The following UNC13C variants were observed in gnomAD, a reference collection of about 807,000 sequenced individuals.
UNC13C encodes protein unc-13 homolog C.
UNC13C carries 174 observed loss-of-function variants against 245.4 expected under a neutral mutation model. The observed-to-expected ratio is 0.71, with a 90% CI of 0.63 to 0.80. The LOEUF (loss-of-function observed/expected upper bound fraction) is 0.80, where lower values mean the gene tolerates loss of function less well. Among genes scored for constraint, UNC13C ranks in the 30% least tolerant of loss-of-function variants. The pLI is 0.00. For synonymous variants in UNC13C, 992 were observed against 895.1 expected (o/e 1.11, Z -1.93); for missense variants, 2,829 against 2,602.9 (o/e 1.09, Z -1.89).
the UNC13C span, among the ~76,000 whole-genome samples, chr15:53,971,376 A>G: frequency 3.9e-5 from 6 of 152,318 alleles, no homozygotes; most frequent in Admixed American, 6.5e-5. Context: ...AAGAGCTTCA[A>G]GACTTTCTCA....
At chr15:54,562,871 G>A (rs1897352347) in intron 29 of UNC13C, among the ~76,000 whole-genome samples, 1 of 151,942 alleles carries the variant, frequency 6.6e-6, no homozygotes, top group Admixed American at 6.6e-5. Flanking sequence ...TAATATACCA[G>A]ATGTGTTCTA....
At chr15:53,986,632 G>T (rs1257187263) in intron 1 of UNC13C, among the ~76,000 whole-genome samples, 1 of 151,932 alleles carries the variant, frequency 6.6e-6, no homozygotes, top group African/African-American at 2.4e-5. Context: ...ACAGTACCAA[G>T]AAAGTACTTA....
At chr15:53,998,540 T>G (rs1020853602) in intron 1 of UNC13C, among the ~76,000 whole-genome samples, 24 of 152,140 alleles carry the variant, frequency 1.6e-4, no homozygotes, top group African/African-American at 5.8e-4. Flanking sequence ...GATTTTCACA[T>G]AAATACTCAT....
At chr15:54,559,904 G>A (rs1217076476) in intron 29 of UNC13C, among the ~76,000 whole-genome samples, 1 of 151,866 alleles carries the variant, frequency 6.6e-6, no homozygotes, top group Admixed American at 6.6e-5. Context: ...AGCATGCTGC[G>A]GCTTAAACAC....
At chr15:54,605,220 C>G (rs1166018685) in intron 30 of UNC13C, among the ~76,000 whole-genome samples, 3 of 152,126 alleles carry the variant, frequency 2.0e-5, no homozygotes, top group African/African-American at 7.2e-5. Context: ...CTGAATGGCC[C>G]GTTAATCAGT....
At chr15:54,595,721 G>A (rs535152737) in intron 30 of UNC13C, among the ~76,000 whole-genome samples, 1 of 152,336 alleles carries the variant, frequency 6.6e-6, no homozygotes, top group East Asian at 1.9e-4. Context: ...TGTGCTAAGA[G>A]TGGTTTTAGT....
intron 17 of UNC13C, among the ~76,000 whole-genome samples, chr15:54,365,669 T>A (rs2039347598): frequency 6.6e-6 from 1 of 152,158 alleles, no homozygotes; most frequent in Non-Finnish European, 1.5e-5. Flanking sequence ...TCAGGATTTA[T>A]GATGAAAGAG....
intron 32 of UNC13C, 34 bp downstream of exon 32, chr15:54,623,988 G>C: frequency 6.2e-7 from 1 of 1,611,382 alleles, no homozygotes; most frequent in South Asian, 1.1e-5. Context: ...TATTCTACCA[G>C]GCAATAGTTA....
chr15:54,549,532 C>T (rs1896640576), intron 27 of UNC13C, 103 bp from the exon 28 acceptor site: 3 of 898,950 alleles, frequency 3.3e-6, no homozygotes, highest in African/African-American at 3.3e-5. Flanking sequence ...AGCCATAAGT[C>T]TTATAAGGGA....
rs1435239456 is a variant in UNC13C at position 54,338,300 on chromosome 15, T to G, written c.4585-61T>G. Reference sequence around the variant, plus strand: ...TTTATTGAATATATATTTGAGTAGTTTATACTAGATTACAATGTGTCACTG... The same window carrying G: ...TTTATTGAATATATATTTGAGTAGTGTATACTAGATTACAATGTGTCACTG... On this transcript the variant is annotated intron_variant, in intron 16 of 32. Transcript: ENST00000260323. 1.9e-6 allele frequency: 3 copies of G among 1,558,784 alleles called. No homozygotes were observed. In the African/African-American group the frequency reaches 4.1e-5, roughly 21 times the overall value.
rs564319038 is a variant in UNC13C, at chr15:54,467,148, T to G, written c.4934-27460T>G. On this transcript the variant is annotated intron_variant, in intron 19 of 32. Coordinates refer to ENST00000260323, the MANE Select transcript of UNC13C (RefSeq NM_001080534.3). ...TTTAAACAAGGACTGGAAATACAGC[T>G]GTGAACAAGATAGACATGGTTCCTT... Among the ~76,000 whole-genome samples the G allele has an allele frequency of 8.6e-5, 13 of 151,974 alleles. No individual in the cohort carries two copies. In the South Asian group the frequency reaches 2.7e-3, roughly 31 times the overall value.
At chr15:53,948,062 C>A in the UNC13C span, 1 of 152,138 alleles carries the variant, frequency 6.6e-6, no homozygotes, top group Non-Finnish European at 1.5e-5. Context: ...TGAACAAGAA[C>A]TGAAAATAAC....
intron 2 of UNC13C, among the ~76,000 whole-genome samples, chr15:54,047,329 T>G (rs2141045285): frequency 6.6e-6 from 1 of 152,160 alleles, no homozygotes; most frequent in Non-Finnish European, 1.5e-5. Flanking sequence ...TTCAGAATGT[T>G]GAGCAACCAT....
chr15:54,480,402 A>C (rs962705216), intron 19 of UNC13C, among the ~76,000 whole-genome samples: 2 of 137,126 alleles, frequency 1.5e-5, no homozygotes, highest in Non-Finnish European at 3.1e-5. Context: ...GGCTTCGTTC[A>C]TTCTTTTTTT....
intron 19 of UNC13C, among the ~76,000 whole-genome samples, chr15:54,456,645 A>G (rs774452393): frequency 7.2e-4 from 108 of 149,316 alleles, no homozygotes; most frequent in Admixed American, 2.0e-3. Context: ...TAGTTGTTGC[A>G]AAAGGGTTTG....
chr15:54,170,789 C>A (rs905356678), intron 4 of UNC13C, among the ~76,000 whole-genome samples: 2 of 152,100 alleles, frequency 1.3e-5, no homozygotes, highest in Non-Finnish European at 2.9e-5. Context: ...TGTAAAGACC[C>A]AGAAATCCTC....
At chr15:54,104,661 T>C (rs1900342700) in intron 2 of UNC13C, among the ~76,000 whole-genome samples, 1 of 151,600 alleles carries the variant, frequency 6.6e-6, no homozygotes, top group African/African-American at 2.4e-5. Flanking sequence ...GTATAATTTT[T>C]AGTTTCTCTA....
intron 21 of UNC13C, 151 bp from the exon 22 acceptor site, chr15:54,500,684 G>T (rs2141098806): frequency 3.1e-6 from 2 of 640,362 alleles, no homozygotes; most frequent in East Asian, 5.7e-5. Context: ...AAGAAAAGGA[G>T]ATTAATGATT....
intron 2 of UNC13C, among the ~76,000 whole-genome samples, chr15:54,132,074 C>CTTTTTTTTTTTTTTTCTTTTTTTTTTT (rs1555420957): frequency 9.0e-6 from 1 of 110,646 alleles, no homozygotes; most frequent in Non-Finnish European, 2.0e-5. Context: ...TTTTCTTTTT[C>CTTTTTTTTTTTTTTTCTTTTTTTTTTT]TTTTTTTTTT....
Sources: allele counts gnomAD v4.1 joint callset (sites outside exome capture counted in the v4.1 genomes callset), GRCh38; gene constraint gnomAD v4.1.1; transcripts MANE v1.5; gene names NCBI Gene and HGNC (gene_info 2026-07-23, HGNC 2026-07-21).